MCF2L: variants seen among roughly 807,000 people sequenced by gnomAD.
The protein encoded by MCF2L is MCF.2 cell line derived transforming sequence like.
A neutral mutation model predicts 153.4 loss-of-function variants in MCF2L; 97 were observed. The ratio of observed to expected loss-of-function variants is 0.63; its 90% CI spans 0.54 to 0.75. MCF2L has a LOEUF of 0.75. Among genes scored for constraint, MCF2L ranks in the 30% least tolerant of loss-of-function variants. The pLI is 0.00. For missense variants in MCF2L, 1,347 were observed against 1,495.2 expected (o/e 0.90, Z 1.64); for synonymous variants, 659 against 632.2 (o/e 1.04, Z -0.64).
intron 2 of MCF2L, among the ~76,000 whole-genome samples, chr13:112,954,440 C>T (rs1375355682): frequency 6.6e-6 from 1 of 152,240 alleles, no homozygotes; most frequent in Non-Finnish European, 1.5e-5. Flanking sequence ...GCCCTGCTTC[C>T]CATTGCGATG....
intron 15 of MCF2L, 25 bp from the exon 16 acceptor site, chr13:113,081,188 T>C: frequency 5.8e-6 from 9 of 1,563,146 alleles, no homozygotes; most frequent in Non-Finnish European, 7.8e-6. Flanking sequence ...TAACCTTTTT[T>C]GCTCTCCACA....
At chr13:113,094,729 G>A in intron 27 of MCF2L, 94 bp downstream of exon 27, 5 of 1,453,832 alleles carry the variant, frequency 3.4e-6, no homozygotes, top group Non-Finnish European at 4.6e-6. Flanking sequence ...TGGGTCTTAG[G>A]ACACAGCCCC....
At chr13:112,909,017 C>G (rs548204558) in intron 2 of MCF2L, among the ~76,000 whole-genome samples, 47 of 152,320 alleles carry the variant, frequency 3.1e-4, no homozygotes, top group Middle Eastern at 3.4e-3. Context: ...AGCCACCGCG[C>G]CCCGCCCATG....
Position 113,082,771 on chromosome 13 carries a change from A to G in MCF2L, c.1991+229A>G, listed in dbSNP as rs548127293. 1.2e-3 allele frequency among the ~76,000 whole-genome samples: 181 copies of G among 152,232 alleles called. 2 individuals are homozygous for G. Among genetic ancestry groups the G allele is most frequent in the Non-Finnish European group, 1.6e-3 (112 of 67,994 alleles). Reference sequence around the variant, plus strand: ...CCTGTGTCTAGGCAGCCAAGTTGTAAGTGAGCCGCCAGCCGTGAGGAGAGG... The same window carrying G: ...CCTGTGTCTAGGCAGCCAAGTTGTAGGTGAGCCGCCAGCCGTGAGGAGAGG... On this transcript the variant is annotated intron_variant, in intron 17 of 29. Transcript: ENST00000535094.
At chr13:113,009,468 C>T (rs1594625768) in intron 1 of MCF2L, 2 of 152,374 alleles carry the variant, frequency 1.3e-5, no homozygotes, top group East Asian at 1.9e-4. Flanking sequence ...AAACCTTAAA[C>T]ATCGGGAATG....
intron 26 of MCF2L, among the ~76,000 whole-genome samples, chr13:113,091,725 C>G (rs1469760921): frequency 6.6e-6 from 1 of 150,696 alleles, no homozygotes; most frequent in Non-Finnish European, 1.5e-5. Context: ...GGAACCTGGC[C>G]CTTCTCGTTT....
chr13:113,019,265 G>A (rs145256404), intron 2 of MCF2L, among the ~76,000 whole-genome samples: 3 of 152,216 alleles, frequency 2.0e-5, no homozygotes, highest in Admixed American at 2.0e-4. Flanking sequence ...AGAGGGATTC[G>A]AAGTGGGGAA....
chr13:112,898,656 A>G (rs533683850), intron 1 of MCF2L, among the ~76,000 whole-genome samples: 78 of 151,974 alleles, frequency 5.1e-4, no homozygotes, highest in African/African-American at 1.9e-3. Context: ...TCCATTTGCT[A>G]TTCGGCTGCC....
chr13:112,945,625 G>A (rs1439784240), intron 2 of MCF2L, among the ~76,000 whole-genome samples: 1 of 152,246 alleles, frequency 6.6e-6, no homozygotes, highest in African/African-American at 2.4e-5. Flanking sequence ...GCCCTGCTGA[G>A]CAGGAAGACA....
chr13:112,915,410 C>CAAAAAAAAAAGAAAAAA (rs2081281464), intron 2 of MCF2L, among the ~76,000 whole-genome samples: 1 of 86,924 alleles, frequency 1.2e-5, no homozygotes, highest in Non-Finnish European at 2.1e-5. Flanking sequence ...CTCTGTCTCA[C>CAAAAAAAAAAGAAAAAA]AAAAAAAAAA....
Position 112,932,968 on chromosome 13 carries a change from T to G in MCF2L, c.169+30597T>G, listed in dbSNP as rs1027848290. ...ATTGCTTGAACGCAGGAGGTGGAGA[T>G]TTTAGTGAGGCAAGATTGTGCCACT... On this transcript the variant is annotated intron_variant, in intron 2 of 29. Coordinates refer to the MCF2L transcript ENST00000375608. The surrounding 1 kb of genome is among the most constrained non-coding windows in gnomAD (Gnocchi z 4.6). 1.3e-5 allele frequency among the ~76,000 whole-genome samples: 2 copies of G among 151,920 alleles called. No homozygotes were observed. The highest frequency in any genetic ancestry group is 4.8e-5 in the African/African-American group (2 of 41,348).
At chr13:113,079,423 C>T (rs561376544) in intron 15 of MCF2L, among the ~76,000 whole-genome samples, 1 of 152,316 alleles carries the variant, frequency 6.6e-6, no homozygotes, top group South Asian at 2.1e-4. Flanking sequence ...CCGCCACTGG[C>T]TTCACACTTT....
rs1160892613 is a variant in MCF2L at position 113,064,462 on chromosome 13, C to T, written c.606+42C>T. 4.0e-6 allele frequency: 5 copies of T among 1,239,816 alleles called. No homozygotes were observed. Among genetic ancestry groups the T allele is most frequent in the South Asian group, 2.4e-5 (2 of 83,502 alleles). The allele number at this position is 1,239,816 out of a possible 1,614,324, so 76.8% of individuals were successfully genotyped here. A position where few individuals can be genotyped will look rare whatever the true frequency, so the allele number is the denominator to read the frequency against. On this transcript the variant is annotated intron_variant, in intron 6 of 29. Transcript: ENST00000535094. This position sits in a 1 kb window ranked among gnomAD's most constrained non-coding sequence, Gnocchi z 6.0. ...CCAGCGGGGCTGGCTGATACCAGCT[C>T]GAGTACTTCCACAGAATCGCTCTTG...
intron 3 of MCF2L, chr13:113,040,910 C>T (rs1485564249): frequency 2.0e-5 from 3 of 152,240 alleles, no homozygotes; most frequent in Non-Finnish European, 4.4e-5. Flanking sequence ...GTCACGAGCC[C>T]TGAGTGGTTT....
chr13:112,925,510 G>A (rs56365129), intron 2 of MCF2L, among the ~76,000 whole-genome samples: 37,135 of 152,046 alleles, frequency 0.24, 4,830 homozygotes, highest in South Asian at 0.31. Context: ...TAAATAAAGG[G>A]CATCATATTC....
chr13:112,994,429 T>C lies in MCF2L; in HGVS notation c.80-20334T>C, dbSNP rs549337661. Among the ~76,000 whole-genome samples the C allele has an allele frequency of 5.3e-5, 8 of 152,154 alleles. No individual in the cohort carries two copies. The East Asian group carries it at 1.4e-3, about 26-fold the overall frequency. On this transcript the variant is annotated intron_variant, in intron 1 of 29. Transcript: ENST00000535094. Reference sequence around the variant, plus strand: ...CTGTGCCAGTGTCTCGGGCAGGGGCTGGCAGGGCTGCCCAGGAGGCTGTCG... The same window carrying C: ...CTGTGCCAGTGTCTCGGGCAGGGGCCGGCAGGGCTGCCCAGGAGGCTGTCG...
At chr13:113,076,555 G>A (rs7987563) in intron 12 of MCF2L, among the ~76,000 whole-genome samples, 11,595 of 152,280 alleles carry the variant, frequency 0.076, 539 homozygotes, top group East Asian at 0.23. Context: ...GTGAGCCACC[G>A]CACCTGGCCC....
intron 1 of MCF2L, among the ~76,000 whole-genome samples, chr13:112,977,738 C>T (rs1430191373): frequency 2.0e-5 from 3 of 152,244 alleles, no homozygotes; most frequent in East Asian, 1.9e-4. Flanking sequence ...TGATGGCTCC[C>T]GTGCGCACCG....
intron 26 of MCF2L, 32 bp from the exon 27 acceptor site, chr13:113,094,482 G>T: frequency 6.3e-7 from 1 of 1,593,752 alleles, no homozygotes; most frequent in Non-Finnish European, 8.5e-7. Flanking sequence ...CTCATCACCG[G>T]GGGGTCCCTC....
Sources: gnomAD v4.1 joint callset for allele counts (sites outside exome capture counted in the v4.1 genomes callset) on GRCh38, gnomAD v4.1.1 for gene constraint, Gnocchi (gnomAD v3.1) non-coding constraint, MANE v1.5 for transcripts, NCBI Gene and HGNC (gene_info 2026-07-23, HGNC 2026-07-21) for gene names.